ATXN7L1: variants seen among roughly 807,000 people sequenced by gnomAD.
ATXN7L1 encodes the protein ataxin 7 like 1, also known as ataxin-7-like protein 1.
In ATXN7L1, 15 loss-of-function variants were observed where a neutral mutation model predicts 70.8. The observed-to-expected ratio is 0.21, with a 90% CI of 0.14 to 0.33. The LOEUF is 0.33. Among genes scored for constraint, ATXN7L1 ranks in the 10% least tolerant of loss-of-function variants. The pLI, the probability that ATXN7L1 is intolerant of heterozygous loss-of-function variation, is 1.00. For missense variants in ATXN7L1, 975 were observed against 1,097.1 expected (o/e 0.89, Z 1.57); for synonymous variants, 440 against 445.1 (o/e 0.99, Z 0.14).
Position 105,830,356 on chromosome 7 carries a change from A to C in ATXN7L1, c.251-41648T>G, listed in dbSNP as rs369271870. The stretch of plus-strand genomic sequence containing the variant: ...CTTCAAACAACAACATCAACAACAA[A>C]GACAACGGTTTTGAAAACCACTGCC... On this transcript the variant is annotated intron_variant, in intron 2 of 11. Coordinates refer to ENST00000419735, the MANE Select transcript of ATXN7L1 (RefSeq NM_020725.2). 5.9e-5 allele frequency among the ~76,000 whole-genome samples: 9 copies of C among 152,392 alleles called. No individual in the cohort carries two copies. In the East Asian group the frequency reaches 1.3e-3, roughly 23 times the overall value.
chr7:105,687,010 A>C (rs934384495), intron 3 of ATXN7L1, among the ~76,000 whole-genome samples: 2 of 152,186 alleles, frequency 1.3e-5, no homozygotes, highest in African/African-American at 4.8e-5. Context: ...ACCTACCCCT[A>C]ATAAGAGTCT....
chr7:105,708,906 C>G (rs762411180), intron 3 of ATXN7L1, among the ~76,000 whole-genome samples: 6 of 152,242 alleles, frequency 3.9e-5, no homozygotes, highest in Non-Finnish European at 7.3e-5. Flanking sequence ...TTGCTTTTAG[C>G]AGACCCAATT....
rs1309372458 is a variant in ATXN7L1 at position 105,624,138 on chromosome 7, G to A, written c.1332C>T (p.Asp444=). 9.8e-6 allele frequency: 15 copies of A among 1,534,302 alleles called. No homozygotes were observed. Among genetic ancestry groups the A allele is most frequent in the Middle Eastern group, 1.7e-4 (1 of 5,944 alleles). ...CTAGCTTCTCGGATTCGTCGGCTCC[G>A]TCCATCTCCCCTTCATCACTGGACA... ...SRLSSDEGEM[D]GADESEKLDC... The change falls in exon 8 of 12, where the codon GAC becomes GAT. Residue 444 remains aspartate, a synonymous_variant. Coordinates refer to ENST00000419735, the MANE Select transcript of ATXN7L1 (RefSeq NM_020725.2).
At chr7:105,660,109 T>C (rs1801348671) in intron 4 of ATXN7L1, among the ~76,000 whole-genome samples, 1 of 151,950 alleles carries the variant, frequency 6.6e-6, no homozygotes, top group Non-Finnish European at 1.5e-5. Context: ...TTAATATTTA[T>C]CTCACCCAGC....
intron 3 of ATXN7L1, among the ~76,000 whole-genome samples, chr7:105,748,365 T>G (rs1311551803): frequency 6.6e-6 from 1 of 152,140 alleles, no homozygotes; most frequent in Non-Finnish European, 1.5e-5. Context: ...CTGGCTGGGT[T>G]GCCTGTCTGG....
At chr7:105,771,591 C>T (rs899341624) in intron 3 of ATXN7L1, among the ~76,000 whole-genome samples, 1 of 152,150 alleles carries the variant, frequency 6.6e-6, no homozygotes, top group Non-Finnish European at 1.5e-5. Context: ...AAAGTTCATG[C>T]TTCACAAATT....
At chr7:105,784,458 A>G (rs981742524) in intron 3 of ATXN7L1, among the ~76,000 whole-genome samples, 1 of 151,528 alleles carries the variant, frequency 6.6e-6, no homozygotes, top group Non-Finnish European at 1.5e-5. Flanking sequence ...ACACACACAC[A>G]CTTTTTTCAA....
At chr7:105,859,782 C>CTT (rs34111825) in intron 2 of ATXN7L1, among the ~76,000 whole-genome samples, 1 of 94,132 alleles carries the variant, frequency 1.1e-5, no homozygotes. Context: ...TTCTTTCTTT[C>CTT]TTTTTTTTTT....
chr7:105,732,857 T>A (rs963751422), intron 3 of ATXN7L1, among the ~76,000 whole-genome samples: 4 of 152,216 alleles, frequency 2.6e-5, no homozygotes, highest in Non-Finnish European at 5.9e-5. Context: ...AGCATGTTCC[T>A]GCCTCAGTGC....
At position 105,819,600 on chromosome 7, in the gene ATXN7L1, CG is replaced by C. The variant is rs1167605724; in HGVS notation, c.251-30893del. On this transcript the variant is annotated intron_variant, in intron 2 of 11. Coordinates refer to ENST00000419735, the MANE Select transcript of ATXN7L1 (RefSeq NM_020725.2). ...GCTGGGCCGGAAGGTGGAGGTCGTA[CG>C]CTGTGAGGGCATCATCATTTCTGGC... 9.9e-6 allele frequency: 9 copies of C among 912,188 alleles called. No individual in the cohort carries two copies. In the African/African-American group the frequency reaches 1.3e-4, roughly 13 times the overall value. The allele number at this position is 912,188 out of a possible 1,614,324, so 56.5% of individuals were successfully genotyped here.
intron 2 of ATXN7L1, among the ~76,000 whole-genome samples, chr7:105,874,351 T>C (rs558354749): frequency 6.6e-6 from 1 of 152,278 alleles, no homozygotes; most frequent in East Asian, 1.9e-4. Context: ...TATGGACACG[T>C]TGCCAGTAGC....
intron 2 of ATXN7L1, among the ~76,000 whole-genome samples, chr7:105,858,124 G>A (rs1043580261): frequency 2.0e-5 from 3 of 152,056 alleles, no homozygotes; most frequent in East Asian, 1.9e-4. Context: ...CCAGTTACTC[G>A]GAAGGCTGAG....
At chr7:105,757,058 C>T (rs556103331) in intron 3 of ATXN7L1, among the ~76,000 whole-genome samples, 2 of 152,262 alleles carry the variant, frequency 1.3e-5, no homozygotes, top group East Asian at 3.9e-4. Flanking sequence ...ACCTTCAAAA[C>T]CATCACAGCA....
In ATXN7L1 at chr7:105,876,510, C is replaced by T. The variant is rs1259391361; in HGVS notation, c.49G>A (p.Glu17Lys). ...RIPCLSAAAA[E>K]GTGKKQQEGR... ...TCTTGTTGCTTTTTCCCTGTTCCTTCGGCAGCAGCAGCCGAGAGACACGGG... is the reference window on the plus strand; with the variant it reads ...TCTTGTTGCTTTTTCCCTGTTCCTTTGGCAGCAGCAGCCGAGAGACACGGG... Residue 17 changes from glutamate (E) to lysine (K), a missense_variant, in exon 1 of 12, where the codon GAA becomes AAA. By Grantham distance (56) the Glu-to-Lys change is moderately conservative. Transcript: ENST00000419735. 34 of 1,609,526 alleles carry T rather than the reference C, an allele frequency of 2.1e-5. No individual in the cohort carries two copies. The highest frequency in any genetic ancestry group is 2.8e-5 in the Non-Finnish European group (33 of 1,177,762).
chr7:105,855,136 G>A (rs1815531162), intron 2 of ATXN7L1, among the ~76,000 whole-genome samples: 2 of 152,048 alleles, frequency 1.3e-5, no homozygotes, highest in African/African-American at 4.8e-5. Context: ...TGTATTTTTA[G>A]TACAGATGGG....
intron 3 of ATXN7L1, among the ~76,000 whole-genome samples, chr7:105,736,796 A>C (rs1797429073): frequency 6.6e-6 from 1 of 152,190 alleles, no homozygotes. Flanking sequence ...CCAGGTGGAG[A>C]CCCACTGCTT....
chr7:105,824,256 G>A (rs1810549792), intron 2 of ATXN7L1, among the ~76,000 whole-genome samples: 2 of 152,180 alleles, frequency 1.3e-5, no homozygotes, highest in Non-Finnish European at 2.9e-5. Flanking sequence ...TGGGCCACCA[G>A]TAAAAAGCTC....
intron 3 of ATXN7L1, among the ~76,000 whole-genome samples, chr7:105,740,160 T>C (rs1797840720): frequency 6.6e-6 from 1 of 152,172 alleles, no homozygotes; most frequent in African/African-American, 2.4e-5. Context: ...AATCTCTGAA[T>C]CAAGAACAAA....
intron 3 of ATXN7L1, chr7:105,788,328 C>T: frequency 2.8e-6 from 1 of 363,412 alleles, no homozygotes; most frequent in Non-Finnish European, 5.2e-6. Context: ...CCTGCAGAGG[C>T]CATCGCTAGG....
Sources: gnomAD v4.1 joint callset for allele counts (sites outside exome capture counted in the v4.1 genomes callset) on GRCh38, gnomAD v4.1.1 for gene constraint, MANE v1.5 for transcripts, NCBI Gene and HGNC (gene_info 2026-07-23, HGNC 2026-07-21) for gene names.